Variants in CAMKMT observed in about 807,000 individuals in gnomAD.
CAMKMT encodes calmodulin-lysine N-methyltransferase, also known as CaM KMT.
In CAMKMT, 53 loss-of-function variants were observed where a neutral mutation model predicts 48.0. The ratio of observed to expected loss-of-function variants is 1.10; its 90% confidence interval spans 0.89 to 1.39. The LOEUF is 1.39. Ranked by LOEUF, CAMKMT falls within the 40% of genes most tolerant of loss-of-function variation. The probability of loss-of-function intolerance (pLI) is 0.00; values close to 1 mark genes in which losing one functional copy is unlikely to be tolerated. For synonymous variants in CAMKMT, 165 were observed against 152.3 expected, an observed-to-expected ratio of 1.08 and a Z score of -0.61; for missense variants, 428 against 402.7, an observed-to-expected ratio of 1.06 and a Z score of -0.54.
intron 3 of CAMKMT, among the ~76,000 whole-genome samples, chr2:44,598,446 ACATTAAGATATATACACTGTG>A (rs948076110): frequency 4.6e-5 from 7 of 152,020 alleles, no homozygotes; most frequent in Middle Eastern, 6.8e-3. Flanking sequence ...GCTTTATTCA[ACATTAAGATATATACACTGTG>A]CATTTTTTTT....
At chr2:44,459,400 A>C (rs1667738570) in intron 3 of CAMKMT, among the ~76,000 whole-genome samples, 1 of 152,144 alleles carries the variant, frequency 6.6e-6, no homozygotes, top group Non-Finnish European at 1.5e-5. Context: ...TGGTTGTTAT[A>C]GATTGTTGTT....
At chr2:44,439,625 T>C (rs925516837) in intron 3 of CAMKMT, among the ~76,000 whole-genome samples, 1 of 151,728 alleles carries the variant, frequency 6.6e-6, no homozygotes, top group Admixed American at 6.6e-5. Flanking sequence ...GATCACGAGG[T>C]CAGGAGATCG....
intron 3 of CAMKMT, among the ~76,000 whole-genome samples, chr2:44,677,126 T>C (rs1675742959): frequency 6.6e-6 from 1 of 152,184 alleles, no homozygotes; most frequent in Admixed American, 6.5e-5. Context: ...TTATAAACAA[T>C]TGTGACCTAC....
chr2:44,377,031 C>T (rs1166740080), intron 2 of CAMKMT, among the ~76,000 whole-genome samples: 3 of 152,028 alleles, frequency 2.0e-5, no homozygotes, highest in African/African-American at 2.4e-5. Context: ...TTTTTTGAGA[C>T]GGTCTCACTC....
intron 3 of CAMKMT, among the ~76,000 whole-genome samples, chr2:44,475,319 A>AT (rs11318687): frequency 6.0e-4 from 86 of 142,416 alleles, no homozygotes; most frequent in East Asian, 2.2e-3. Context: ...ATAGGTTGAA[A>AT]TTTTTTTTTT....
chr2:44,742,786 C>G lies in CAMKMT; in HGVS notation c.624-836C>G, dbSNP rs539683374. Among the ~76,000 whole-genome samples, 13 of 152,188 alleles carry G rather than the reference C, an allele frequency of 8.5e-5. No individual in the cohort carries two copies. In the East Asian group the frequency reaches 2.5e-3, roughly 29 times the overall value. On this transcript the variant is annotated intron_variant, in intron 7 of 10. Coordinates refer to ENST00000378494, the MANE Select transcript of CAMKMT (RefSeq NM_024766.5). ...GAAGAAATGAATCCACCAAAATAAGCAAATATAACTGGGCAGGGTAGGACA... is the reference window on the plus strand; with the variant it reads ...GAAGAAATGAATCCACCAAAATAAGGAAATATAACTGGGCAGGGTAGGACA...
intron 3 of CAMKMT, among the ~76,000 whole-genome samples, chr2:44,539,656 C>T (rs533662680): frequency 3.9e-5 from 6 of 152,196 alleles, no homozygotes; most frequent in South Asian, 2.1e-4. Context: ...TAACTTTGAA[C>T]AGTTCCTCAG....
intron 3 of CAMKMT, among the ~76,000 whole-genome samples, chr2:44,462,447 G>A (rs1667896243): frequency 6.6e-6 from 1 of 151,810 alleles, no homozygotes; most frequent in African/African-American, 2.4e-5. Context: ...TTTTTTTCAT[G>A]TCAATGAACA....
intron 3 of CAMKMT, among the ~76,000 whole-genome samples, chr2:44,412,359 A>C (rs756548337): frequency 3.9e-5 from 6 of 152,138 alleles, no homozygotes; most frequent in Non-Finnish European, 7.4e-5. Flanking sequence ...TTTTTGAGAC[A>C]GAGTCTGGCT....
At chr2:44,654,816 A>G (rs1674285878) in intron 3 of CAMKMT, among the ~76,000 whole-genome samples, 1 of 152,232 alleles carries the variant, frequency 6.6e-6, no homozygotes, top group Non-Finnish European at 1.5e-5. Flanking sequence ...CGCCCGGCCT[A>G]CACGCCATTT....
chr2:44,657,994 C>T lies in CAMKMT; in HGVS notation c.377-46289C>T, dbSNP rs1414081197. On this transcript the variant is annotated intron_variant, in intron 3 of 10. Coordinates refer to ENST00000378494, the MANE Select transcript of CAMKMT (RefSeq NM_024766.5). This position sits in a 1 kb window ranked among gnomAD's most constrained non-coding sequence, Gnocchi z 4.3. Reference sequence around the variant, plus strand: ...TTATTTTTCACACAGATTTACTCTCCTGAATTTTCCAGAAATGTAGATACT... The same window carrying T: ...TTATTTTTCACACAGATTTACTCTCTTGAATTTTCCAGAAATGTAGATACT... 1.3e-5 allele frequency among the ~76,000 whole-genome samples: 2 copies of T among 152,176 alleles called. No individual in the cohort carries two copies. Among genetic ancestry groups the T allele is most frequent in the Non-Finnish European group, 2.9e-5 (2 of 68,036 alleles).
At chr2:44,488,346 C>CA (rs912160665) in intron 3 of CAMKMT, among the ~76,000 whole-genome samples, 3 of 151,754 alleles carry the variant, frequency 2.0e-5, no homozygotes, top group Non-Finnish European at 2.9e-5. Flanking sequence ...ACTAAAAATA[C>CA]AAAAAAAATT....
intron 3 of CAMKMT, among the ~76,000 whole-genome samples, chr2:44,392,480 G>A (rs1216523051): frequency 6.6e-6 from 1 of 151,946 alleles, no homozygotes; most frequent in Non-Finnish European, 1.5e-5. Flanking sequence ...TTTTTCACTT[G>A]ATGCCTCAAA....
At chr2:44,764,503 G>A (rs955503286) in intron 9 of CAMKMT, among the ~76,000 whole-genome samples, 25 of 151,956 alleles carry the variant, frequency 1.6e-4, no homozygotes, top group Admixed American at 4.6e-4. Flanking sequence ...GTGGATCAGC[G>A]AGGATGGGTT....
intron 3 of CAMKMT, among the ~76,000 whole-genome samples, chr2:44,564,363 CG>C (rs762113336): frequency 9.2e-5 from 14 of 151,452 alleles, no homozygotes; most frequent in Admixed American, 7.3e-4. Flanking sequence ...TTAATAGAAA[CG>C]GGGTTTCACC....
intron 3 of CAMKMT, among the ~76,000 whole-genome samples, chr2:44,571,493 C>CT (rs1461886826): frequency 2.6e-5 from 4 of 152,096 alleles, no homozygotes; most frequent in African/African-American, 9.7e-5. Flanking sequence ...GGACATCATA[C>CT]TTTTTTAAAT....
At chr2:44,475,024 A>G (rs1668615061) in intron 3 of CAMKMT, among the ~76,000 whole-genome samples, 1 of 152,244 alleles carries the variant, frequency 6.6e-6, no homozygotes, top group African/African-American at 2.4e-5. Flanking sequence ...TATTATTTGA[A>G]CAAACTTGAT....
At chr2:44,763,474 G>A (rs1225468556) in intron 9 of CAMKMT, among the ~76,000 whole-genome samples, 4 of 152,186 alleles carry the variant, frequency 2.6e-5, no homozygotes, top group Non-Finnish European at 5.9e-5. Context: ...TATTGACTGA[G>A]TGCTTACTAT....
intron 3 of CAMKMT, chr2:44,400,930 G>GTATATATATATA (rs755352747): frequency 5.9e-4 from 38 of 64,230 alleles, no homozygotes; most frequent in East Asian, 1.4e-3. Context: ...TTATGTGTGT[G>GTATATATATATA]TATATATATA....
Sources: allele counts gnomAD v4.1 joint callset (sites outside exome capture counted in the v4.1 genomes callset), GRCh38; gene constraint gnomAD v4.1.1; non-coding constraint Gnocchi (gnomAD v3.1); transcripts MANE v1.5; gene names NCBI Gene and HGNC (gene_info 2026-07-23, HGNC 2026-07-21).